The following DEPDC5 variants were observed in gnomAD, a reference collection of about 807,000 sequenced individuals.
DEPDC5 encodes DEP domain containing 5, GATOR1 subcomplex subunit.
In DEPDC5, 73 loss-of-function variants were observed where a neutral mutation model predicts 217.3. That is an observed-to-expected ratio of 0.34 (90% CI 0.28 to 0.41). The LOEUF is 0.41. Ranked by LOEUF, DEPDC5 falls within the 10% of genes least tolerant of loss-of-function variation. DEPDC5 has a pLI of 1.00. For synonymous variants in DEPDC5, 733 were observed against 756.7 expected (o/e 0.97, Z 0.51); for missense variants, 1,675 against 2,070.1 (o/e 0.81, Z 3.70).
intron 26 of DEPDC5, 33 bp from the exon 27 acceptor site, chr22:31,838,652 G>A: frequency 1.9e-6 from 3 of 1,609,726 alleles, no homozygotes; most frequent in Non-Finnish European, 2.5e-6. Flanking sequence ...CTCGGGCCAA[G>A]CATCTGTATG....
At position 31,754,926 on chromosome 22, in the gene DEPDC5, G is replaced by A. The variant is rs756142773; in HGVS notation, c.5G>A (p.Arg2Lys). Residue 2 changes from arginine (R) to lysine (K), a missense_variant, in exon 2 of 43, where the codon AGA (arginine) becomes AAA (lysine). Arg to Lys is a conservative substitution (Grantham distance 26, BLOSUM62 2). Transcript: ENST00000651528. M[R>K]TTKVYKLVIH... ...TAAAGGGAAAAACAGTGCAAGATGA[G>A]AACAACAAAGGTCTACAAACTCGTC... The A allele has an allele frequency of 2.2e-5, 35 of 1,614,206 alleles. No individual in the cohort carries two copies. Among genetic ancestry groups the A allele is most frequent in the Middle Eastern group, 3.3e-4 (2 of 6,062 alleles).
intron 38 of DEPDC5, chr22:31,880,176 C>T: frequency 4.9e-6 from 1 of 203,116 alleles, no homozygotes; most frequent in Middle Eastern, 2.1e-3. Flanking sequence ...TCCAGACACT[C>T]ATGCAGAGCA....
chr22:31,792,093 A>C lies in DEPDC5; in HGVS notation c.685A>C (p.Lys229Gln). Residue 229 changes from lysine (K) to glutamine (Q), a missense_variant, in exon 11 of 43, where the codon AAA becomes CAA. By Grantham distance (53) the Lys-to-Gln change is moderately conservative. Transcript: ENST00000651528. ...GTTTTCTAGAACTTTCTATGATGCAAAATCTGTTGGTGAGTAACTATTTCT... is the reference window on the plus strand; with the variant it reads ...GTTTTCTAGAACTTTCTATGATGCACAATCTGTTGGTGAGTAACTATTTCT... ...VLFSRTFYDA[K>Q]SVDEFPEINR... 6.2e-7 allele frequency: 1 copy of C among 1,610,356 alleles called. No individual in the cohort carries two copies. Among genetic ancestry groups the C allele is most frequent in the Non-Finnish European group, 8.5e-7 (1 of 1,177,242 alleles).
chr22:31,811,659 C>T (rs768784915), intron 20 of DEPDC5, among the ~76,000 whole-genome samples: 3 of 151,776 alleles, frequency 2.0e-5, no homozygotes, highest in Admixed American at 6.6e-5. Flanking sequence ...AAGTGATCCT[C>T]TTGCCTCTGC....
intron 21 of DEPDC5, among the ~76,000 whole-genome samples, chr22:31,818,537 A>G (rs2148797107): frequency 6.6e-6 from 1 of 152,358 alleles, no homozygotes; most frequent in South Asian, 2.1e-4. Context: ...GCTTTATTGC[A>G]AAGGGTCTGG....
intron 21 of DEPDC5, chr22:31,816,033 C>T: frequency 1.0e-6 from 1 of 985,546 alleles, no homozygotes; most frequent in South Asian, 4.7e-5. Flanking sequence ...GGCGCAGTGG[C>T]TCACACCTGT....
intron 7 of DEPDC5, among the ~76,000 whole-genome samples, chr22:31,770,880 C>T (rs1180928506): frequency 1.3e-5 from 2 of 151,228 alleles, no homozygotes; most frequent in Non-Finnish European, 2.9e-5. Context: ...CAACCTCTGC[C>T]TCCCAGGTTC....
intron 37 of DEPDC5, among the ~76,000 whole-genome samples, chr22:31,876,950 C>T (rs1478431883): frequency 1.3e-5 from 2 of 151,952 alleles, no homozygotes; most frequent in Non-Finnish European, 2.9e-5. Context: ...GTCAAGAGCT[C>T]AAGACCAACA....
rs1473122024 is a variant in DEPDC5 at position 31,906,360 on chromosome 22, C to A, written c.4675C>A (p.Arg1559Ser). Residue 1559 changes from arginine to serine, a missense_variant, in exon 43 of 43, where the codon CGC (arginine) becomes AGC (serine). Physicochemically the swap from Arg to Ser is moderately radical, Grantham distance 110 (BLOSUM62 -1). Transcript: ENST00000651528. The surrounding 1 kb of genome is among the most constrained non-coding windows in gnomAD (Gnocchi z 5.1). ...AYNTMLTKTWRSSATGDEKFA... is the reference protein window; with the variant it reads ...AYNTMLTKTWSSSATGDEKFA... ...CAACACCATGCTCACCAAAACATGG[C>A]GCTCCAGCGCCACAGGGGATGAAAA... The A allele has an allele frequency of 6.2e-7, 1 of 1,614,072 alleles. No homozygotes were observed. The highest frequency in any genetic ancestry group is 8.5e-7 in the Non-Finnish European group (1 of 1,179,960).
chr22:31,778,714 GC>G (rs1174629738), intron 8 of DEPDC5, among the ~76,000 whole-genome samples: 3 of 152,126 alleles, frequency 2.0e-5, no homozygotes, highest in Non-Finnish European at 2.9e-5. Flanking sequence ...CAAAAGTTAA[GC>G]CCCATGGAAG....
At chr22:31,899,771 C>T (rs2093615801) in intron 40 of DEPDC5, among the ~76,000 whole-genome samples, 1 of 152,142 alleles carries the variant, frequency 6.6e-6, no homozygotes, top group South Asian at 2.1e-4. Context: ...GCAAAACCAC[C>T]GCAGGCACTC....
At chr22:31,803,608 A>T (rs5753789) in intron 15 of DEPDC5, among the ~76,000 whole-genome samples, 4 of 151,886 alleles carry the variant, frequency 2.6e-5, no homozygotes, top group Middle Eastern at 3.4e-3. Context: ...ACACCCCCCA[A>T]TTTGATTTGT....
intron 27 of DEPDC5, among the ~76,000 whole-genome samples, 196 bp from the exon 28 acceptor site, chr22:31,842,899 T>G (rs2091483370): frequency 1.3e-5 from 2 of 152,158 alleles, no homozygotes; most frequent in Non-Finnish European, 2.9e-5. Context: ...TGCTCCTGGT[T>G]GGTTTAATAA....
Position 31,836,304 on chromosome 22 carries a change from C to T in DEPDC5, c.2171-668C>T, listed in dbSNP as rs1372447980. On this transcript the variant is annotated intron_variant, in intron 25 of 42. Transcript: ENST00000651528. ...TCTGGTTCAAAGTCTCTGTTGTTGC[C>T]GAGGCTGAGAAACTCTGCTTTAACT... Among the ~76,000 whole-genome samples the T allele has an allele frequency of 5.9e-5, 9 of 152,252 alleles. No homozygotes were observed. In the East Asian group the frequency reaches 9.7e-4, roughly 16 times the overall value.
At chr22:31,882,922 C>A (rs1056888715) in intron 38 of DEPDC5, among the ~76,000 whole-genome samples, 1 of 152,030 alleles carries the variant, frequency 6.6e-6, no homozygotes, top group Non-Finnish European at 1.5e-5. Flanking sequence ...TTACGCCCGG[C>A]CTGTTCTTCC....
Position 31,874,265 on chromosome 22 carries a change from G to A in DEPDC5, c.3564-8G>A, listed in dbSNP as rs1250227863. The A allele has an allele frequency of 1.9e-6, 3 of 1,605,434 alleles. No homozygotes were observed. Among genetic ancestry groups the A allele is most frequent in the South Asian group, 1.1e-5 (1 of 89,380 alleles). ...CCCCTGCTCCCCGTTCACCGTGTTGGAACCCAGGACAGGAGTCCAGCTGCT... is the reference window on the plus strand; with the variant it reads ...CCCCTGCTCCCCGTTCACCGTGTTGAAACCCAGGACAGGAGTCCAGCTGCT... On this transcript the variant is annotated splice_polypyrimidine_tract_variant and splice_region_variant and intron_variant, in intron 35 of 42. Coordinates refer to ENST00000651528, the MANE Select transcript of DEPDC5 (RefSeq NM_001242896.3).
At chr22:31,844,977 C>T in intron 29 of DEPDC5, 41 bp from the exon 30 acceptor site, 1 of 1,606,230 alleles carries the variant, frequency 6.2e-7, no homozygotes, top group Non-Finnish European at 8.5e-7. Flanking sequence ...TCATTATCTC[C>T]TTTCTCTCAC....
intron 7 of DEPDC5, among the ~76,000 whole-genome samples, chr22:31,771,293 A>AT (rs1203304669): frequency 3.9e-5 from 6 of 152,236 alleles, no homozygotes; most frequent in East Asian, 1.9e-4. Flanking sequence ...TAGAGGCTTC[A>AT]TTTTTTCTCC....
At chr22:31,791,045 C>T (rs1227009007) in intron 10 of DEPDC5, among the ~76,000 whole-genome samples, 3 of 152,102 alleles carry the variant, frequency 2.0e-5, no homozygotes, top group Non-Finnish European at 4.4e-5. Flanking sequence ...CCACGCCCAG[C>T]CGAAACCCTG....
Sources: gnomAD v4.1 joint callset for allele counts (sites outside exome capture counted in the v4.1 genomes callset) on GRCh38, gnomAD v4.1.1 for gene constraint, Gnocchi (gnomAD v3.1) non-coding constraint, MANE v1.5 for transcripts, NCBI Gene and HGNC (gene_info 2026-07-23, HGNC 2026-07-21) for gene names.